Variants in PLCL1 observed in about 807,000 individuals in gnomAD.
The protein encoded by PLCL1 is phospholipase C like 1 (inactive), also known as inactive phospholipase C-like protein 1.
A neutral mutation model predicts 84.4 loss-of-function variants in PLCL1; 41 were observed. The observed-to-expected ratio is 0.49, with a 90% confidence interval of 0.38 to 0.63. The LOEUF is 0.63. PLCL1 is among the 30% of genes least tolerant of loss of function. The pLI is 0.00. For missense variants in PLCL1, 1,206 were observed against 1,367.8 expected, an observed-to-expected ratio of 0.88 and a Z score of 1.87; for synonymous variants, 490 against 488.3, an observed-to-expected ratio of 1.00 and a Z score of -0.05.
intron 1 of PLCL1, among the ~76,000 whole-genome samples, chr2:197,850,422 T>C (rs1244164227): frequency 6.6e-6 from 1 of 152,176 alleles, no homozygotes; most frequent in Admixed American, 6.6e-5. Context: ...GTTTAGAATA[T>C]ATGATTGTCA....
At chr2:197,938,315 G>T (rs1256275115) in intron 1 of PLCL1, among the ~76,000 whole-genome samples, 1 of 152,126 alleles carries the variant, frequency 6.6e-6, no homozygotes, top group Admixed American at 6.5e-5. Context: ...TCTTGCATTT[G>T]AACTTCTATA....
At chr2:197,896,016 T>C (rs1688127479) in intron 1 of PLCL1, among the ~76,000 whole-genome samples, 1 of 151,968 alleles carries the variant, frequency 6.6e-6, no homozygotes, top group African/African-American at 2.4e-5. Context: ...AATGCATTTT[T>C]GGAATGCCTG....
intron 1 of PLCL1, among the ~76,000 whole-genome samples, chr2:198,055,979 G>A (rs1692061704): frequency 6.6e-6 from 1 of 151,974 alleles, no homozygotes; most frequent in South Asian, 2.1e-4. Flanking sequence ...GTTCCAAGTA[G>A]GAAAGAAAAA....
chr2:197,851,048 A>G (rs867097387), intron 1 of PLCL1, among the ~76,000 whole-genome samples: 3 of 152,192 alleles, frequency 2.0e-5, no homozygotes, highest in African/African-American at 7.2e-5. Context: ...AGTTAGGTAT[A>G]TAAGTCTCAT....
In PLCL1 at chr2:198,084,030, C is replaced by G; in HGVS notation, c.513C>G (p.Asn171Lys). The G allele has an allele frequency of 6.2e-7, 1 of 1,614,154 alleles. No homozygotes were observed. Among genetic ancestry groups the G allele is most frequent in the East Asian group, 2.2e-5 (1 of 44,886 alleles). Residue 171 changes from asparagine to lysine, a missense_variant, in exon 2 of 6, where the codon AAC (asparagine) becomes AAG (lysine). Transcript: ENST00000428675. ...SAIKEIRLGK[N>K]TETFRNNGLA... ...TAAAAGAGATCAGACTGGGGAAAAA[C>G]ACGGAAACATTTAGAAACAATGGCC... is the stretch of plus-strand genomic sequence containing the variant.
chr2:197,909,328 CTTT>C (rs796675884), intron 1 of PLCL1, among the ~76,000 whole-genome samples: 3 of 146,710 alleles, frequency 2.0e-5, no homozygotes, highest in Non-Finnish European at 3.0e-5. Context: ...TTCTTTTTCT[CTTT>C]TTTTTTTTCC....
intron 1 of PLCL1, among the ~76,000 whole-genome samples, chr2:198,060,120 G>T (rs1692156918): frequency 6.6e-6 from 1 of 152,118 alleles, no homozygotes; most frequent in East Asian, 1.9e-4. Context: ...CCACTAGTTG[G>T]CTCTTCTCAC....
chr2:197,863,838 A>G (rs887336968), intron 1 of PLCL1, among the ~76,000 whole-genome samples: 2 of 152,196 alleles, frequency 1.3e-5, no homozygotes, highest in Non-Finnish European at 2.9e-5. Context: ...TCTATAAGGA[A>G]CAGTGTCAGA....
At chr2:197,927,227 A>G (rs541699913) in intron 1 of PLCL1, among the ~76,000 whole-genome samples, 1 of 152,350 alleles carries the variant, frequency 6.6e-6, no homozygotes, top group African/African-American at 2.4e-5. Context: ...GGTGTTAAAG[A>G]ATAGCAAACT....
intron 1 of PLCL1, among the ~76,000 whole-genome samples, chr2:197,955,492 T>C (rs1164652655): frequency 6.6e-5 from 10 of 151,436 alleles, no homozygotes; most frequent in African/African-American, 2.4e-4. Flanking sequence ...CATAAGTATA[T>C]GTGTACCATG....
intron 1 of PLCL1, among the ~76,000 whole-genome samples, chr2:197,906,849 A>C (rs1458290820): frequency 6.6e-6 from 1 of 152,064 alleles, no homozygotes; most frequent in Non-Finnish European, 1.5e-5. Context: ...TTCACTCATG[A>C]TTTGGCTCTC....
intron 1 of PLCL1, among the ~76,000 whole-genome samples, chr2:198,064,437 C>T (rs1692277952): frequency 1.3e-5 from 2 of 152,136 alleles, no homozygotes; most frequent in Admixed American, 1.3e-4. Context: ...AGATTTTGTC[C>T]ATATTACCAG....
At chr2:198,096,607 G>C (rs1300678953) in intron 3 of PLCL1, among the ~76,000 whole-genome samples, 1 of 152,084 alleles carries the variant, frequency 6.6e-6, no homozygotes, top group African/African-American at 2.4e-5. Flanking sequence ...GGTGACTTCT[G>C]TGCTACCTTA....
chr2:197,948,031 A>T (rs988748932), intron 1 of PLCL1, among the ~76,000 whole-genome samples: 1 of 152,176 alleles, frequency 6.6e-6, no homozygotes, highest in Non-Finnish European at 1.5e-5. Flanking sequence ...GAGTGAGGAG[A>T]ACAGTCAGAA....
chr2:198,038,887 A>G (rs1297659336), intron 1 of PLCL1, among the ~76,000 whole-genome samples: 1 of 150,476 alleles, frequency 6.6e-6, no homozygotes, highest in African/African-American at 2.4e-5. Context: ...TCAATTTTTT[A>G]TCTCGTGTTT....
intron 5 of PLCL1, among the ~76,000 whole-genome samples, chr2:198,107,367 TG>T (rs1693501501): frequency 6.6e-6 from 1 of 151,902 alleles, no homozygotes; most frequent in Admixed American, 6.6e-5. Flanking sequence ...TCAGTCCCAT[TG>T]GGTCCAGGCA....
At chr2:198,093,852 T>A (rs1693116106) in intron 3 of PLCL1, among the ~76,000 whole-genome samples, 1 of 152,108 alleles carries the variant, frequency 6.6e-6, no homozygotes, top group African/African-American at 2.4e-5. Context: ...AATTATACTA[T>A]TATCAAGGGA....
At chr2:198,019,710 C>CAA (rs768011176) in intron 1 of PLCL1, among the ~76,000 whole-genome samples, 98 of 152,228 alleles carry the variant, frequency 6.4e-4, no homozygotes, top group African/African-American at 2.1e-3. Flanking sequence ...AAGGAAGGAA[C>CAA]AAAGCCTCCA....
At chr2:198,086,832 A>G (rs1018017055) in intron 2 of PLCL1, among the ~76,000 whole-genome samples, 8 of 152,218 alleles carry the variant, frequency 5.3e-5, no homozygotes, top group Non-Finnish European at 8.8e-5. Context: ...AAACAATGGG[A>G]ACCAAGTAGA....
Sources: gnomAD v4.1 joint callset for allele counts (sites outside exome capture counted in the v4.1 genomes callset) on GRCh38, gnomAD v4.1.1 for gene constraint, MANE v1.5 for transcripts, NCBI Gene and HGNC (gene_info 2026-07-23, HGNC 2026-07-21) for gene names.